The following TRIOBP variants were observed in gnomAD, a reference collection of about 807,000 sequenced individuals.
TRIOBP encodes the protein TRIO and F-actin-binding protein.
A neutral mutation model predicts 238.8 loss-of-function variants in TRIOBP; 169 were observed. The ratio of observed to expected loss-of-function variants is 0.71; its 90% CI spans 0.62 to 0.80. TRIOBP has a LOEUF of 0.80. TRIOBP is among the 30% of genes least tolerant of loss of function. The pLI is 0.00. For missense variants in TRIOBP, 2,838 were observed against 3,122.6 expected (o/e 0.91, Z 2.17); for synonymous variants, 1,150 against 1,274.4 (o/e 0.90, Z 2.08).
At chr22:37,770,577 A>G (rs1601670968) in intron 21 of TRIOBP, among the ~76,000 whole-genome samples, 1 of 151,216 alleles carries the variant, frequency 6.6e-6, no homozygotes, top group African/African-American at 2.4e-5. Flanking sequence ...GGGTTTTTCC[A>G]TGTTGGTCAG....
intron 4 of TRIOBP, among the ~76,000 whole-genome samples, chr22:37,712,531 C>T (rs920360904): frequency 2.0e-5 from 3 of 151,884 alleles, no homozygotes; most frequent in Admixed American, 1.3e-4. Flanking sequence ...GACGGGGTTT[C>T]ACCATGTTGG....
At chr22:37,746,632 T>G (rs532024653) in intron 11 of TRIOBP, among the ~76,000 whole-genome samples, 2 of 151,926 alleles carry the variant, frequency 1.3e-5, no homozygotes, top group Admixed American at 6.5e-5. Context: ...CCTCGCCCAC[T>G]CGCCCCCGGG....
intron 11 of TRIOBP, among the ~76,000 whole-genome samples, chr22:37,750,346 G>A (rs1302608386): frequency 6.6e-6 from 1 of 152,238 alleles, no homozygotes; most frequent in Non-Finnish European, 1.5e-5. Context: ...TGGGGGTAGG[G>A]GAGATGGCCC....
chr22:37,705,867 C>T (rs1471717706), intron 3 of TRIOBP, among the ~76,000 whole-genome samples: 2 of 152,140 alleles, frequency 1.3e-5, no homozygotes, highest in Non-Finnish European at 2.9e-5. Context: ...TGAGCCACCT[C>T]GCCCGGCCAA....
At position 37,713,419 on chromosome 22, in the gene TRIOBP, A is replaced by C; in HGVS notation, c.456+8A>C. ...AGCAACTCGTCCTCTGTGGTGAGCCAGGAGTGGGAGTTTGGGGGACAAGAG... is the reference window on the plus strand; with the variant it reads ...AGCAACTCGTCCTCTGTGGTGAGCCCGGAGTGGGAGTTTGGGGGACAAGAG... On this transcript the variant is annotated splice_region_variant and intron_variant, in intron 5 of 23. Transcript: ENST00000644935. 1 of 1,611,882 alleles carries C rather than the reference A, an allele frequency of 6.2e-7. No homozygotes were observed. Among genetic ancestry groups the C allele is most frequent in the Non-Finnish European group, 8.5e-7 (1 of 1,179,956 alleles).
chr22:37,753,251 G>GC (rs1925718023), intron 12 of TRIOBP, among the ~76,000 whole-genome samples: 1 of 151,990 alleles, frequency 6.6e-6, no homozygotes, highest in Admixed American at 6.6e-5. Context: ...GAAGGTCTAG[G>GC]CACTTCTTTT....
At chr22:37,767,556 C>T (rs183450109) in intron 18 of TRIOBP, among the ~76,000 whole-genome samples, 1 of 152,196 alleles carries the variant, frequency 6.6e-6, no homozygotes, top group Admixed American at 6.5e-5. Context: ...CTGTTGTTAT[C>T]GATCCCTGTT....
At chr22:37,718,707 A>G (rs1233221979) in intron 6 of TRIOBP, among the ~76,000 whole-genome samples, 1 of 152,196 alleles carries the variant, frequency 6.6e-6, no homozygotes, top group Admixed American at 6.5e-5. Flanking sequence ...TCATAGGACA[A>G]AAAGCGGCTA....
chr22:37,713,053 T>G (rs1923339060), intron 4 of TRIOBP, among the ~76,000 whole-genome samples, 157 bp from the exon 5 acceptor site: 1 of 151,556 alleles, frequency 6.6e-6, no homozygotes, highest in South Asian at 2.1e-4. Flanking sequence ...GCAATCCATA[T>G]AAAAAGTCTG....
chr22:37,773,084 T>G (rs958378694), intron 23 of TRIOBP, among the ~76,000 whole-genome samples: 1 of 152,140 alleles, frequency 6.6e-6, no homozygotes, highest in Non-Finnish European at 1.5e-5. Flanking sequence ...ACAGTGAATC[T>G]CCACTGAGCT....
At chr22:37,747,496 C>T (rs1925347469) in intron 11 of TRIOBP, among the ~76,000 whole-genome samples, 1 of 152,176 alleles carries the variant, frequency 6.6e-6, no homozygotes, top group South Asian at 2.1e-4. Context: ...GGGCGTGGCA[C>T]GCCTAGCCCC....
Position 37,739,329 on chromosome 22 carries a change from G to T in TRIOBP, c.5184+610G>T, listed in dbSNP as rs191062756. 1.1e-3 allele frequency among the ~76,000 whole-genome samples: 163 copies of T among 152,298 alleles called. 1 individual carries two copies. The highest frequency in any genetic ancestry group is 5.6e-3 in the Admixed American group (86 of 15,302). The stretch of plus-strand genomic sequence containing the variant: ...TGAGGGCCGTGGGGCAGTGGGAGGT[G>T]GGGGAGGAGGAGACAGACTGTTTGG... On this transcript the variant is annotated intron_variant, in intron 10 of 23. Coordinates refer to ENST00000644935, the MANE Select transcript of TRIOBP (RefSeq NM_001039141.3).
chr22:37,755,488 A>G, intron 14 of TRIOBP, 62 bp from the exon 15 acceptor site: 1 of 1,462,092 alleles, frequency 6.8e-7, no homozygotes, highest in Non-Finnish European at 9.6e-7. Context: ...CCTGGGGTCC[A>G]TAGTGGGGAG....
chr22:37,770,340 C>T (rs949340216), intron 21 of TRIOBP, among the ~76,000 whole-genome samples: 1 of 149,768 alleles, frequency 6.7e-6, no homozygotes, highest in Admixed American at 6.7e-5. Flanking sequence ...GTCCCAGCCA[C>T]TCCGGAGGCT....
In TRIOBP at chr22:37,759,167, G is replaced by C. The variant is rs572469366; in HGVS notation, c.6227G>C (p.Arg2076Pro). 4 of 1,612,180 alleles carry C rather than the reference G, an allele frequency of 2.5e-6. No homozygotes were observed. The highest frequency in any genetic ancestry group is 3.4e-6 in the Non-Finnish European group (4 of 1,179,712). ...TCTCCCTCGTAGGTTCAGGCTCTTC[G>C]GGCCCAGCTGGAGGCGTGGCGTCTC... The part of the protein sequence containing the change: ...EALEKEVQAL[R>P]AQLEAWRLQG... Residue 2076 changes from arginine (R) to proline (P), a missense_variant, in exon 17 of 24, where the codon CGG (arginine) becomes CCG (proline). Arg to Pro is a moderately radical substitution (Grantham distance 103). Transcript: ENST00000644935.
In TRIOBP at chr22:37,733,315, G is replaced by A. The variant is rs756337092; in HGVS notation, c.3965G>A (p.Gly1322Glu). The A allele has an allele frequency of 9.0e-6, 14 of 1,550,958 alleles. No homozygotes were observed. The highest frequency in any genetic ancestry group is 1.2e-5 in the Non-Finnish European group (14 of 1,147,122). ...GQERRKSEAA[G>E]AFQAQDEGRS... ...GCTCATAGGAAGTCCGAGGCAGCGGGGGCCTTCCAGGCCCAGGACGAGGGA... is the reference window on the plus strand; with the variant it reads ...GCTCATAGGAAGTCCGAGGCAGCGGAGGCCTTCCAGGCCCAGGACGAGGGA... The change falls in exon 8 of 24, where the codon GGG becomes GAG. Residue 1322 changes from glycine to glutamate, a missense_variant. Gly to Glu is a moderately conservative substitution (Grantham distance 98). Around this residue, in one of 5 missense-constraint regions of TRIOBP, gnomAD observed 2,096 missense variants for 2,137.4 expected, o/e 0.98. Transcript: ENST00000644935.
intron 21 of TRIOBP, among the ~76,000 whole-genome samples, chr22:37,770,310 C>CGCGGTGGCGGGT (rs1303371626): frequency 2.0e-5 from 3 of 148,924 alleles, no homozygotes; most frequent in Non-Finnish European, 4.5e-5. Flanking sequence ...TGGTGGCGGG[C>CGCGGTGGCGGGT]GCGGTGGCGG....
Position 37,772,704 on chromosome 22 carries a change from G to A in TRIOBP, c.7040G>A (p.Arg2347His), listed in dbSNP as rs771622633. The change falls in exon 23 of 24, where the codon CGT becomes CAT. Residue 2347 changes from arginine (R) to histidine (H), a missense_variant. Physicochemically the swap from Arg to His is conservative, Grantham distance 29 (BLOSUM62 0). Coordinates refer to ENST00000644935, the MANE Select transcript of TRIOBP (RefSeq NM_001039141.3). The part of the protein sequence containing the change: ...REIEQLKEHL[R>H]LAMAALQEKE... The stretch of plus-strand genomic sequence containing the variant: ...ATCGAGCAGCTGAAGGAGCACCTGC[G>A]TCTTGCCATGGCCGCCCTCCAGGAG... 1.2e-5 allele frequency: 19 copies of A among 1,613,970 alleles called. No individual in the cohort carries two copies. The highest frequency in any genetic ancestry group is 4.5e-5 in the East Asian group (2 of 44,900).
Position 37,733,296 on chromosome 22 carries a change from A to G in TRIOBP, c.3948-2A>G. The stretch of plus-strand genomic sequence containing the variant: ...CAGAGGAGTGGCTGCATTTGCTCAT[A>G]GGAAGTCCGAGGCAGCGGGGGCCTT... On this transcript the variant is annotated splice_acceptor_variant, in intron 7 of 23. Coordinates refer to ENST00000644935, the MANE Select transcript of TRIOBP (RefSeq NM_001039141.3). LOFTEE classifies it high-confidence loss of function. 6.5e-7 allele frequency: 1 copy of G among 1,549,612 alleles called. No homozygotes were observed. The highest frequency in any genetic ancestry group is 8.7e-7 in the Non-Finnish European group (1 of 1,145,966).
Sources: gnomAD v4.1 joint callset for allele counts (sites outside exome capture counted in the v4.1 genomes callset) on GRCh38, gnomAD v4.1.1 for gene constraint, gnomAD v4.1.1 regional missense constraint, MANE v1.5 for transcripts, NCBI Gene and HGNC (gene_info 2026-07-23, HGNC 2026-07-21) for gene names.